MB21D2: variants seen among roughly 807,000 people sequenced by gnomAD.
The protein encoded by MB21D2 is Mab-21 domain containing 2.
In MB21D2, 9 loss-of-function variants were observed where a neutral mutation model predicts 33.3. That is an observed-to-expected ratio of 0.27 (90% confidence interval 0.16 to 0.47). MB21D2 has a LOEUF of 0.47. MB21D2 is among the 20% of genes least tolerant of loss of function. The pLI, the probability that MB21D2 is intolerant of heterozygous loss-of-function variation, is 0.99. For synonymous variants in MB21D2, 241 were observed against 236.3 expected, an observed-to-expected ratio of 1.02 and a Z score of -0.18; for missense variants, 540 against 624.6, an observed-to-expected ratio of 0.86 and a Z score of 1.44.
intron 1 of MB21D2, among the ~76,000 whole-genome samples, chr3:192,826,174 C>T (rs1712170512): frequency 6.6e-6 from 1 of 152,158 alleles, no homozygotes; most frequent in African/African-American, 2.4e-5. Flanking sequence ...TTTTTCTCCC[C>T]ATACAGAGGT....
At position 192,884,105 on chromosome 3, in the gene MB21D2, G is replaced by A. The variant is rs188126043; in HGVS notation, c.211+33525C>T. Among the ~76,000 whole-genome samples, 121 of 152,190 alleles carry A rather than the reference G, an allele frequency of 8.0e-4. 1 individual carries two copies. Among genetic ancestry groups the A allele is most frequent in the African/African-American group, 2.7e-3 (111 of 41,460 alleles). On this transcript the variant is annotated intron_variant, in intron 1 of 1. Coordinates refer to ENST00000392452, the MANE Select transcript of MB21D2 (RefSeq NM_178496.4). Reference sequence around the variant, plus strand: ...CATGTCCGAAGCCCTTGGCATGGGCGTATATCAGATGGGACATTCCCCTAC... The same window carrying A: ...CATGTCCGAAGCCCTTGGCATGGGCATATATCAGATGGGACATTCCCCTAC...
chr3:192,880,573 C>T (rs2108642458), intron 1 of MB21D2, among the ~76,000 whole-genome samples: 1 of 152,140 alleles, frequency 6.6e-6, no homozygotes, highest in East Asian at 1.9e-4. Context: ...CAGATGTCTC[C>T]AGATGTGAGT....
intron 1 of MB21D2, among the ~76,000 whole-genome samples, chr3:192,848,906 GAAGAA>G (rs371979909): frequency 9.8e-4 from 150 of 152,320 alleles, no homozygotes; most frequent in Non-Finnish European, 1.9e-3. Flanking sequence ...GGACCGAAGA[GAAGAA>G]AAGAAAACAA....
rs752111970 is a variant in MB21D2 at position 192,877,053 on chromosome 3, GAGA to G, written c.211+40574_211+40576del. 3.9e-5 allele frequency among the ~76,000 whole-genome samples: 6 copies of G among 152,310 alleles called. No homozygotes were observed. In the East Asian group the frequency reaches 1.2e-3, roughly 29 times the overall value. On this transcript the variant is annotated intron_variant, in intron 1 of 1. Transcript: ENST00000392452. ...AGGCTTATGGGTGGAATGTATGAAA[GAGA>G]AGGAGAGAAACAGGAAGAAAGGAAC...
Position 192,892,493 on chromosome 3 carries a change from T to C in MB21D2, c.211+25137A>G, listed in dbSNP as rs138750545. Among the ~76,000 whole-genome samples the C allele has an allele frequency of 5.1e-4, 78 of 152,350 alleles. 1 individual carries two copies. In the East Asian group the frequency reaches 7.3e-3, roughly 14 times the overall value. On this transcript the variant is annotated intron_variant, in intron 1 of 1. Transcript: ENST00000392452. ...GGGATAGAGTTTCGCTGTTGATGCC[T>C]AGGCTGGCATGATCTCAGCTCACTG...
At chr3:192,834,340 AAAAC>A (rs1712385844) in intron 1 of MB21D2, among the ~76,000 whole-genome samples, 1 of 151,620 alleles carries the variant, frequency 6.6e-6, no homozygotes, top group Non-Finnish European at 1.5e-5. Context: ...CAAACAAAAC[AAAAC>A]AAACAAAAAA....
At chr3:192,832,321 C>T (rs901408234) in intron 1 of MB21D2, among the ~76,000 whole-genome samples, 1 of 152,328 alleles carries the variant, frequency 6.6e-6, no homozygotes, top group Middle Eastern at 3.4e-3. Context: ...GCCTTAGTTA[C>T]ATCTCCTCCC....
chr3:192,840,415 C>CTTTTTTTTTTTTTT (rs71177380), intron 1 of MB21D2, among the ~76,000 whole-genome samples: 115 of 88,288 alleles, frequency 1.3e-3, no homozygotes, highest in Middle Eastern at 0.013. Flanking sequence ...TCTCTTTTTT[C>CTTTTTTTTTTTTTT]TTTTTTTTTT....
intron 1 of MB21D2, among the ~76,000 whole-genome samples, chr3:192,877,324 A>G (rs903375083): frequency 6.6e-6 from 1 of 152,174 alleles, no homozygotes; most frequent in Non-Finnish European, 1.5e-5. Context: ...CAAAAACAAA[A>G]AAGTTCACAT....
intron 1 of MB21D2, among the ~76,000 whole-genome samples, chr3:192,890,431 T>C (rs1035827027): frequency 6.6e-6 from 1 of 152,074 alleles, no homozygotes; most frequent in Non-Finnish European, 1.5e-5. Flanking sequence ...CTTGTACTTG[T>C]CCTTTAAAGA....
At chr3:192,828,591 CATATATATATATATATATATATATATA>C (rs1205495725) in intron 1 of MB21D2, among the ~76,000 whole-genome samples, 784 of 54,134 alleles carry the variant, frequency 0.014, 106 homozygotes, top group Middle Eastern at 0.026. Flanking sequence ...TCACCCCCCC[CATATATATATATATATATATATATATA>C]TATATATATA....
chr3:192,844,721 C>A (rs1280599194), intron 1 of MB21D2, among the ~76,000 whole-genome samples: 1 of 152,224 alleles, frequency 6.6e-6, no homozygotes, highest in Non-Finnish European at 1.5e-5. Context: ...AATGCTTCAA[C>A]ACCCTTTCCC....
chr3:192,911,197 T>G (rs1714344424), intron 1 of MB21D2, among the ~76,000 whole-genome samples: 1 of 152,184 alleles, frequency 6.6e-6, no homozygotes, highest in African/African-American at 2.4e-5. Flanking sequence ...GCTGGTAAAC[T>G]TGGATGAATT....
At chr3:192,853,159 G>A (rs1712843832) in intron 1 of MB21D2, among the ~76,000 whole-genome samples, 1 of 152,034 alleles carries the variant, frequency 6.6e-6, no homozygotes, top group Admixed American at 6.5e-5. Context: ...ATGAATGAAT[G>A]AGGCCTAGAC....
intron 1 of MB21D2, among the ~76,000 whole-genome samples, chr3:192,852,631 T>C (rs1351803671): frequency 1.3e-5 from 2 of 152,110 alleles, no homozygotes; most frequent in African/African-American, 4.8e-5. Flanking sequence ...CCAAAAGCAA[T>C]AAATACAGGA....
At chr3:192,862,633 A>C (rs1249649986) in intron 1 of MB21D2, among the ~76,000 whole-genome samples, 1 of 152,136 alleles carries the variant, frequency 6.6e-6, no homozygotes, top group Non-Finnish European at 1.5e-5. Context: ...TTTAACTGTG[A>C]GTAACAGAGT....
At chr3:192,851,115 C>A (rs545845720) in intron 1 of MB21D2, among the ~76,000 whole-genome samples, 49 of 152,222 alleles carry the variant, frequency 3.2e-4, no homozygotes, top group Non-Finnish European at 6.2e-4. Flanking sequence ...GAACATAGAA[C>A]ACACTCAAGA....
At chr3:192,888,697 G>A (rs553136229) in intron 1 of MB21D2, among the ~76,000 whole-genome samples, 9 of 152,202 alleles carry the variant, frequency 5.9e-5, no homozygotes, top group South Asian at 4.1e-4. Flanking sequence ...AGGTGAGCAC[G>A]AAGCAGTTTA....
At chr3:192,863,013 A>C (rs1287698183) in intron 1 of MB21D2, among the ~76,000 whole-genome samples, 1 of 152,116 alleles carries the variant, frequency 6.6e-6, no homozygotes, top group East Asian at 1.9e-4. Flanking sequence ...AGACCTCATG[A>C]CCTAATCACC....
Sources: gnomAD v4.1 joint callset for allele counts (sites outside exome capture counted in the v4.1 genomes callset) on GRCh38, gnomAD v4.1.1 for gene constraint, MANE v1.5 for transcripts, NCBI Gene and HGNC (gene_info 2026-07-23, HGNC 2026-07-21) for gene names.